The following ATP2A3 variants were observed in gnomAD, a reference collection of about 807,000 sequenced individuals.
ATP2A3 encodes the protein sarcoplasmic/endoplasmic reticulum calcium ATPase 3.
A neutral mutation model predicts 106.8 loss-of-function variants in ATP2A3; 61 were observed. The observed-to-expected ratio is 0.57, with a 90% confidence interval of 0.46 to 0.71. The LOEUF (loss-of-function observed/expected upper bound fraction) is 0.71, where lower values mean the gene tolerates loss of function less well. ATP2A3 is among the 30% of genes least tolerant of loss of function. ATP2A3 has a pLI of 0.00. For missense variants in ATP2A3, 1,201 were observed against 1,423.5 expected (o/e 0.84, Z 2.52); for synonymous variants, 611 against 609.3 (o/e 1.00, Z -0.04).
At chr17:3,959,798 C>A (rs534239211) in intron 1 of ATP2A3, among the ~76,000 whole-genome samples, 1 of 152,366 alleles carries the variant, frequency 6.6e-6, no homozygotes, top group African/African-American at 2.4e-5. Flanking sequence ...GGAGCCACTG[C>A]GGGGCCTTGG....
intron 1 of ATP2A3, among the ~76,000 whole-genome samples, chr17:3,954,338 A>G (rs1567720173): frequency 1.3e-5 from 2 of 151,872 alleles, no homozygotes. Flanking sequence ...CCCCGCAGTG[A>G]GGATCCCTCC....
chr17:3,935,146 A>G, intron 17 of ATP2A3, 46 bp downstream of exon 17: 1 of 1,598,784 alleles, frequency 6.3e-7, no homozygotes, highest in Non-Finnish European at 8.6e-7. Context: ...AACTCCAACA[A>G]CTCGAGCTGT....
chr17:3,951,454 T>G (rs2054426617), intron 4 of ATP2A3, 65 bp from the exon 5 acceptor site: 2 of 1,610,204 alleles, frequency 1.2e-6, no homozygotes, highest in African/African-American at 1.3e-5. Context: ...CCCCTTGGAG[T>G]GACTCCTCTG....
At position 3,953,746 on chromosome 17, in the gene ATP2A3, G is replaced by T; in HGVS notation, c.119-36C>A. The T allele has an allele frequency of 6.4e-7, 1 of 1,566,316 alleles. No individual in the cohort carries two copies. Among genetic ancestry groups the T allele is most frequent in the Non-Finnish European group, 8.7e-7 (1 of 1,155,072 alleles). On this transcript the variant is annotated intron_variant, in intron 1 of 20. Transcript: ENST00000397041. This position sits in a 1 kb window ranked among gnomAD's most constrained non-coding sequence, Gnocchi z 5.1. ...CAGGCAGCCACGGGAGCCATGAGGA[G>T]ACAAGAGAGGAGTGGGTCACGCAGG...
At chr17:3,961,997 AAG>A (rs1265302999) in intron 1 of ATP2A3, among the ~76,000 whole-genome samples, 99 of 152,170 alleles carry the variant, frequency 6.5e-4, no homozygotes, top group African/African-American at 2.3e-3. Flanking sequence ...CTGAGGCAGG[AAG>A]GAACAGCTGG....
rs376994562 is a variant in ATP2A3 at position 3,930,277 on chromosome 17, C to A, written c.2744+24G>T. On this transcript the variant is annotated intron_variant, in intron 18 of 20. Transcript: ENST00000397041. The surrounding 1 kb of genome is among the most constrained non-coding windows in gnomAD (Gnocchi z 5.4). ...CTCAGCCCCCACTCCTCGGCCCCAGCTCCAGGCCCTGCGCCCAGCCTACCT... is the reference window on the plus strand; with the variant it reads ...CTCAGCCCCCACTCCTCGGCCCCAGATCCAGGCCCTGCGCCCAGCCTACCT... 1.3e-6 allele frequency: 2 copies of A among 1,552,440 alleles called. No homozygotes were observed. Among genetic ancestry groups the A allele is most frequent in the Non-Finnish European group, 1.7e-6 (2 of 1,147,728 alleles).
At chr17:3,932,111 G>A (rs963273236) in intron 17 of ATP2A3, among the ~76,000 whole-genome samples, 1 of 151,650 alleles carries the variant, frequency 6.6e-6, no homozygotes, top group African/African-American at 2.4e-5. Context: ...TTTGAGGCAA[G>A]TGGATATGTC....
chr17:3,948,535 A>T (rs2054245004), intron 7 of ATP2A3, among the ~76,000 whole-genome samples: 1 of 152,084 alleles, frequency 6.6e-6, no homozygotes, highest in African/African-American at 2.4e-5. Flanking sequence ...CCAGCCAGAC[A>T]CCTTCCTCCA....
At chr17:3,951,542 G>GTCCCCCC in intron 4 of ATP2A3, 39 bp downstream of exon 4, 1 of 1,483,218 alleles carries the variant, frequency 6.7e-7, no homozygotes, top group Non-Finnish European at 9.1e-7. Context: ...GTGGCTGGGA[G>GTCCCCCC]ACCGCCCCCC....
At chr17:3,946,053 T>C (rs1385194251) in intron 8 of ATP2A3, among the ~76,000 whole-genome samples, 3 of 144,378 alleles carry the variant, frequency 2.1e-5, no homozygotes, top group Admixed American at 2.1e-4. Flanking sequence ...ATTGAGACCA[T>C]CCTGGCTAAC....
Position 3,941,428 on chromosome 17 carries a change from G to A in ATP2A3, c.1764+8C>T, listed in dbSNP as rs1379375600. ...CGTACTGCAGGGAGAATCGGCTCCT[G>A]CACCCACCTCGTACTGCACAAACTT... On this transcript the variant is annotated splice_region_variant and intron_variant, in intron 13 of 20. Coordinates refer to ENST00000397041, the MANE Select transcript of ATP2A3 (RefSeq NM_005173.4). 1.2e-5 allele frequency: 19 copies of A among 1,614,076 alleles called. No individual in the cohort carries two copies. Among genetic ancestry groups the A allele is most frequent in the Non-Finnish European group, 1.4e-5 (17 of 1,180,032 alleles).
chr17:3,950,198 G>A (rs1233641095), intron 7 of ATP2A3, among the ~76,000 whole-genome samples: 8 of 148,626 alleles, frequency 5.4e-5, no homozygotes, highest in South Asian at 4.3e-4. Context: ...TTTTGCTCTC[G>A]TCACCCAGGC....
In ATP2A3 at chr17:3,936,689, A is replaced by G; in HGVS notation, c.2322-220T>C. 1 of 597,970 alleles carries G rather than the reference A, an allele frequency of 1.7e-6. No individual in the cohort carries two copies. Among genetic ancestry groups the G allele is most frequent in the Non-Finnish European group, 3.0e-6 (1 of 330,384 alleles). The allele number at this position is 597,970 out of a possible 1,614,324, so 37.0% of individuals were successfully genotyped here. ...CCAGTCCCAGCTCTGGATCCTGGAC[A>G]TACCTGCTCTTTAGGCCTAGCAGAG... On this transcript the variant is annotated intron_variant, in intron 15 of 20. Transcript: ENST00000397041. This position sits in a 1 kb window ranked among gnomAD's most constrained non-coding sequence, Gnocchi z 5.4.
intron 17 of ATP2A3, among the ~76,000 whole-genome samples, chr17:3,934,491 G>A (rs780126647): frequency 2.1e-4 from 31 of 148,678 alleles, no homozygotes; most frequent in Non-Finnish European, 2.7e-4. Flanking sequence ...GATTACAGGC[G>A]TCAGCCACCA....
In ATP2A3 at chr17:3,947,872, C is replaced by A; in HGVS notation, c.631-17G>T. On this transcript the variant is annotated splice_polypyrimidine_tract_variant and intron_variant, in intron 7 of 20. Transcript: ENST00000397041. The surrounding 1 kb of genome is among the most constrained non-coding windows in gnomAD (Gnocchi z 7.7). ...ATTGGTGCCCTGGCCAGGGGAGGGA[C>A]AAGGAAAAAGCTGCTCAGCAGCCAA... 1.9e-6 allele frequency: 3 copies of A among 1,598,064 alleles called. No homozygotes were observed. Among genetic ancestry groups the A allele is most frequent in the African/African-American group, 2.7e-5 (2 of 75,060 alleles).
At chr17:3,939,786 T>TTAAAAAAAAAAAAAA (rs1555558101) in intron 14 of ATP2A3, among the ~76,000 whole-genome samples, 5 of 50,526 alleles carry the variant, frequency 9.9e-5, no homozygotes, top group South Asian at 8.1e-4. Context: ...AGACTCTGTC[T>TTAAAAAAAAAAAAAA]AAAAAAAAAA....
chr17:3,935,422 A>T, intron 16 of ATP2A3, 145 bp from the exon 17 acceptor site: 1 of 733,508 alleles, frequency 1.4e-6, no homozygotes, highest in East Asian at 2.8e-5. Context: ...CCTCCCCTCG[A>T]TGCCAGTGGT....
At chr17:3,932,242 C>T (rs576509504) in intron 17 of ATP2A3, among the ~76,000 whole-genome samples, 3 of 152,106 alleles carry the variant, frequency 2.0e-5, no homozygotes, top group African/African-American at 4.8e-5. Context: ...CTCCCAAGTT[C>T]GAGCGATTCT....
At chr17:3,951,423 C>A (rs754965004) in intron 4 of ATP2A3, 34 bp from the exon 5 acceptor site, 1 of 1,613,164 alleles carries the variant, frequency 6.2e-7, no homozygotes, top group East Asian at 2.2e-5. Context: ...CAGTCTGTCC[C>A]TGCTGCCCCC....
Sources: allele counts gnomAD v4.1 joint callset (sites outside exome capture counted in the v4.1 genomes callset), GRCh38; gene constraint gnomAD v4.1.1; non-coding constraint Gnocchi (gnomAD v3.1); transcripts MANE v1.5; gene names NCBI Gene and HGNC (gene_info 2026-07-23, HGNC 2026-07-21).